MAST2: variants seen among roughly 807,000 people sequenced by gnomAD.
The protein encoded by MAST2 is microtubule associated serine/threonine kinase 2.
MAST2 carries 70 observed loss-of-function variants against 147.4 expected under a neutral mutation model. The ratio of observed to expected loss-of-function variants is 0.47; its 90% CI spans 0.39 to 0.58. MAST2 has a LOEUF of 0.58. MAST2 is among the 20% of genes least tolerant of loss of function. The probability of loss-of-function intolerance (pLI) is 0.00; values close to 1 mark genes in which losing one functional copy is unlikely to be tolerated. For missense variants in MAST2, 2,080 were observed against 2,302.3 expected (o/e 0.90, Z 1.98); for synonymous variants, 869 against 896.8 (o/e 0.97, Z 0.55).
chr1:46,002,995 A>G (rs1334173637), intron 7 of MAST2, 112 bp downstream of exon 7: 45 of 1,098,162 alleles, frequency 4.1e-5, no homozygotes, highest in South Asian at 3.4e-4. Context: ...TCAAACTCAG[A>G]GAGGTTGCTG....
intron 4 of MAST2, among the ~76,000 whole-genome samples, chr1:45,930,104 G>A (rs796541397): frequency 6.6e-5 from 10 of 151,150 alleles, no homozygotes; most frequent in African/African-American, 2.2e-4. Context: ...TTGTTTTGAG[G>A]GGGGATGGAA....
chr1:45,812,001 C>T (rs1644316826), intron 1 of MAST2, among the ~76,000 whole-genome samples: 1 of 151,958 alleles, frequency 6.6e-6, no homozygotes, highest in African/African-American at 2.4e-5. Context: ...ACCTCCTGAC[C>T]TCAGGTGATC....
At position 46,035,573 on chromosome 1, in the gene MAST2, C is replaced by T. The variant is rs369652939; in HGVS notation, c.4904C>T (p.Ser1635Leu). The stretch of plus-strand genomic sequence containing the variant: ...CTAACAGCACTTTCTCCCAGCACTT[C>T]GGGACTCACCCCCACCAGCAGTTGC... ...QALTALSPST[S>L]GLTPTSSCSP... The change falls in exon 29 of 29, where the codon TCG (serine) becomes TTG (leucine). Residue 1635 changes from serine (S) to leucine (L), a missense_variant. Ser to Leu is a moderately radical substitution (Grantham distance 145). Coordinates refer to ENST00000361297, the MANE Select transcript of MAST2 (RefSeq NM_015112.3). The surrounding 1 kb of genome is among the most constrained non-coding windows in gnomAD (Gnocchi z 5.5). 111 of 1,613,638 alleles carry T rather than the reference C, an allele frequency of 6.9e-5. No individual in the cohort carries two copies. Among genetic ancestry groups the T allele is most frequent in the Middle Eastern group, 4.9e-4 (3 of 6,062 alleles).
chr1:45,836,418 AC>A (rs1361947370), intron 3 of MAST2, among the ~76,000 whole-genome samples: 1 of 152,104 alleles, frequency 6.6e-6, no homozygotes, highest in African/African-American at 2.4e-5. Flanking sequence ...TTTTCTTAGA[AC>A]CTAGAACCTT....
intron 4 of MAST2, among the ~76,000 whole-genome samples, chr1:45,910,136 T>C (rs1190182944): frequency 6.6e-6 from 1 of 151,730 alleles, no homozygotes; most frequent in East Asian, 1.9e-4. Flanking sequence ...TCCCCAAATT[T>C]AAGCAGACTA....
chr1:45,933,750 A>G (rs1484768653), intron 4 of MAST2, among the ~76,000 whole-genome samples: 3 of 151,990 alleles, frequency 2.0e-5, no homozygotes, highest in African/African-American at 7.2e-5. Context: ...GCAAAAACTC[A>G]GTCTCAAAAA....
chr1:45,922,030 C>T (rs1440487277), intron 4 of MAST2, among the ~76,000 whole-genome samples: 1 of 152,148 alleles, frequency 6.6e-6, no homozygotes, highest in Non-Finnish European at 1.5e-5. Flanking sequence ...TAGGCAGGTC[C>T]TCCCGTTGAG....
rs1409482260 is a variant in MAST2, at chr1:46,010,730, G to T, written c.979G>T (p.Ala327Ser). 2 of 1,612,656 alleles carry T rather than the reference G, an allele frequency of 1.2e-6. No homozygotes were observed. The highest frequency in any genetic ancestry group is 2.7e-5 in the African/African-American group (2 of 74,984). The change falls in exon 10 of 29, where the codon GCC becomes TCC. Residue 327 changes from alanine (A) to serine (S), a missense_variant and splice_region_variant. Coordinates refer to ENST00000361297, the MANE Select transcript of MAST2 (RefSeq NM_015112.3). ...NHVYKERFPK[A>S]TAQMEERLAE... ...GTTTCTTTCTTGCTTTTCTTCCCAG[G>T]CCACCGCACAAATGGAAGAGCGACT...
chr1:45,959,677 G>C (rs942333989), intron 5 of MAST2, among the ~76,000 whole-genome samples, 200 bp downstream of exon 5: 1 of 152,160 alleles, frequency 6.6e-6, no homozygotes, highest in African/African-American at 2.4e-5. Flanking sequence ...TTCTTACCTT[G>C]TTCTCTCAAC....
At chr1:45,870,709 C>T (rs1646349834) in intron 3 of MAST2, among the ~76,000 whole-genome samples, 3 of 151,170 alleles carry the variant, frequency 2.0e-5, no homozygotes, top group Admixed American at 2.0e-4. Context: ...ATCACTTGAG[C>T]CCAGGAGCTG....
rs776011243 is a variant in MAST2 at position 46,010,942 on chromosome 1, G to A, written c.1188+3G>A. 1 of 1,612,386 alleles carries A rather than the reference G, an allele frequency of 6.2e-7. No individual in the cohort carries two copies. The highest frequency in any genetic ancestry group is 1.1e-5 in the South Asian group (1 of 91,022). The stretch of plus-strand genomic sequence containing the variant: ...ATTTGGAGAAACTTTTACAAGATGT[G>A]AGTGTCCTTGTGCTGGGGTTCTGAA... On this transcript the variant is annotated splice_donor_region_variant and intron_variant, in intron 10 of 28. Transcript: ENST00000361297.
chr1:45,824,572 C>G lies in MAST2; in HGVS notation c.317C>G (p.Ser106Cys), dbSNP rs767545153. The change falls in exon 2 of 29, where the codon TCT (serine) becomes TGT (cysteine). Residue 106 changes from serine to cysteine, a missense_variant. By Grantham distance (112) the Ser-to-Cys change is moderately radical. This residue lies in a region of MAST2 where 569 missense variants were observed against 642.5 expected (regional missense o/e 0.89). Coordinates refer to ENST00000361297, the MANE Select transcript of MAST2 (RefSeq NM_015112.3). The stretch of plus-strand genomic sequence containing the variant: ...TTATGGAGAGGAAACCTGGCCAGCT[C>G]TCTATCGGGTAAATATCTGATTTTG... ...CKLWRGNLAS[S>C]LSGKQLLPLS... The G allele has an allele frequency of 6.3e-7, 1 of 1,594,012 alleles. No homozygotes were observed. The highest frequency in any genetic ancestry group is 2.3e-5 in the East Asian group (1 of 44,398).
At chr1:45,849,201 A>G (rs1645541709) in intron 3 of MAST2, among the ~76,000 whole-genome samples, 1 of 152,202 alleles carries the variant, frequency 6.6e-6, no homozygotes, top group African/African-American at 2.4e-5. Context: ...CAAACTACCA[A>G]GAACATTCTT....
intron 4 of MAST2, among the ~76,000 whole-genome samples, chr1:45,918,827 G>T (rs912086781): frequency 6.6e-6 from 1 of 152,098 alleles, no homozygotes; most frequent in East Asian, 1.9e-4. Context: ...AAAAGATCAC[G>T]CTGGGCTGGG....
chr1:45,859,561 A>G (rs1235777058), intron 3 of MAST2, among the ~76,000 whole-genome samples: 2 of 152,226 alleles, frequency 1.3e-5, no homozygotes, highest in Non-Finnish European at 2.9e-5. Flanking sequence ...ACACAACATG[A>G]GAGGGAGAAA....
chr1:45,973,664 C>T (rs1644016483), intron 5 of MAST2, among the ~76,000 whole-genome samples: 1 of 152,160 alleles, frequency 6.6e-6, no homozygotes, highest in Non-Finnish European at 1.5e-5. Flanking sequence ...AACCCTGGGA[C>T]ATTCCAGTTT....
intron 8 of MAST2, among the ~76,000 whole-genome samples, chr1:46,007,419 C>T (rs143188278): frequency 8.5e-5 from 13 of 152,276 alleles, no homozygotes; most frequent in African/African-American, 3.1e-4. Flanking sequence ...GTGTTCTCAA[C>T]AACCCATACA....
chr1:45,922,658 G>A (rs1184457878), intron 4 of MAST2, among the ~76,000 whole-genome samples: 1 of 152,192 alleles, frequency 6.6e-6, no homozygotes. Flanking sequence ...GCGAGGGGCA[G>A]GGGCCTTCCT....
At chr1:46,020,740 G>A (rs946883161) in intron 11 of MAST2, among the ~76,000 whole-genome samples, 14 of 152,134 alleles carry the variant, frequency 9.2e-5, no homozygotes, top group African/African-American at 2.4e-4. Context: ...TTTCACTAGG[G>A]ATGGGTTTGC....
Sources: allele counts gnomAD v4.1 joint callset (sites outside exome capture counted in the v4.1 genomes callset), GRCh38; gene constraint gnomAD v4.1.1; regional missense constraint gnomAD v4.1.1; non-coding constraint Gnocchi (gnomAD v3.1); transcripts MANE v1.5; gene names NCBI Gene and HGNC (gene_info 2026-07-23, HGNC 2026-07-21).